IMPG2: variants seen among roughly 807,000 people sequenced by gnomAD.
IMPG2 encodes the protein interphotoreceptor matrix proteoglycan 2.
A neutral mutation model predicts 129.2 loss-of-function variants in IMPG2; 91 were observed. That is an observed-to-expected ratio of 0.70 (90% CI 0.59 to 0.84). The LOEUF (loss-of-function observed/expected upper bound fraction) is 0.84, where lower values mean the gene tolerates loss of function less well. IMPG2 is among the 40% of genes least tolerant of loss of function. The probability of loss-of-function intolerance (pLI) is 0.00; values close to 1 mark genes in which losing one functional copy is unlikely to be tolerated. For missense variants in IMPG2, 1,430 were observed against 1,461.7 expected (o/e 0.98, Z 0.35); for synonymous variants, 510 against 517.7 (o/e 0.99, Z 0.20).
chr3:101,229,442 T>G lies in IMPG2; in HGVS notation c.3571A>C (p.Ile1191Leu), dbSNP rs774986957. 1 of 1,612,584 alleles carries G rather than the reference T, an allele frequency of 6.2e-7. No homozygotes were observed. Among genetic ancestry groups the G allele is most frequent in the South Asian group, 1.1e-5 (1 of 90,996 alleles). ...PFYSSASGDVIGGLSREEIRQ... is the reference protein window; with the variant it reads ...PFYSSASGDVLGGLSREEIRQ... ...ATTTCTTCTCTGCTCAGCCCACCAA[T>G]CACGTCTCCGCTAGCAGAGCTGTAG... Residue 1191 changes from isoleucine (I) to leucine (L), a missense_variant, in exon 17 of 19, where the codon ATT becomes CTT. Transcript: ENST00000193391.
In IMPG2 at chr3:101,244,761, C is replaced by A. The variant is rs1369278312; in HGVS notation, c.1570G>T (p.Asp524Tyr). 1.2e-6 allele frequency: 2 copies of A among 1,613,940 alleles called. No homozygotes were observed. Among genetic ancestry groups the A allele is most frequent in the South Asian group, 2.2e-5 (2 of 91,072 alleles). ...DGLANVEESE[D>Y]FLSIDSLPSS... ...GGCAATGAATCAATAGAAAGAAAAT[C>A]TTCTGACTCTTCAACATTGGCTAAT... The change falls in exon 13 of 19, where the codon GAT (aspartate) becomes TAT (tyrosine). Residue 524 changes from aspartate (D) to tyrosine (Y), a missense_variant. Coordinates refer to ENST00000193391, the MANE Select transcript of IMPG2 (RefSeq NM_016247.4).
intron 2 of IMPG2, among the ~76,000 whole-genome samples, chr3:101,315,072 A>G (rs1042757811): frequency 6.6e-6 from 1 of 152,166 alleles, no homozygotes; most frequent in Non-Finnish European, 1.5e-5. Flanking sequence ...TCCACCAAGC[A>G]TACCTACAAG....
chr3:101,235,072 A>G (rs1291079570), intron 14 of IMPG2, among the ~76,000 whole-genome samples: 1 of 152,220 alleles, frequency 6.6e-6, no homozygotes, highest in Non-Finnish European at 1.5e-5. Flanking sequence ...TTTATACAAC[A>G]TTTTAAATAA....
intron 15 of IMPG2, among the ~76,000 whole-genome samples, chr3:101,231,523 G>A (rs1296696743): frequency 2.6e-5 from 4 of 152,174 alleles, no homozygotes; most frequent in Non-Finnish European, 4.4e-5. Context: ...GCCTCCAGAC[G>A]CCCCATGTCC....
intron 9 of IMPG2, among the ~76,000 whole-genome samples, chr3:101,259,657 A>T (rs1004858381): frequency 2.0e-5 from 3 of 151,806 alleles, no homozygotes; most frequent in African/African-American, 7.3e-5. Context: ...GTATCAACAT[A>T]ATAAGGATGA....
chr3:101,319,995 TC>T lies in IMPG2; in HGVS notation c.86-164del, dbSNP rs199989120. Among the ~76,000 whole-genome samples, 561 of 152,234 alleles carry T rather than the reference TC, an allele frequency of 3.7e-3. 8 individuals carry two copies. The highest frequency in any genetic ancestry group is 0.024 in the Admixed American group (372 of 15,250). ...AGGAAAAGAGGAGTGAGGCAGTCCA[TC>T]TTTTTCCATTTAACTCCCACTCCTT... On this transcript the variant is annotated intron_variant, in intron 1 of 18. Coordinates refer to ENST00000193391, the MANE Select transcript of IMPG2 (RefSeq NM_016247.4).
chr3:101,240,143 G>T (rs1706391163), intron 14 of IMPG2, among the ~76,000 whole-genome samples: 1 of 151,322 alleles, frequency 6.6e-6, no homozygotes, highest in Non-Finnish European at 1.5e-5. Flanking sequence ...TTAGAGACAG[G>T]TTCTCACTAT....
intron 13 of IMPG2, 28 bp downstream of exon 13, chr3:101,243,501 G>A (rs1228697567): frequency 6.2e-7 from 1 of 1,602,388 alleles, no homozygotes; most frequent in Non-Finnish European, 8.5e-7. Flanking sequence ...TTATTCACTA[G>A]TGCCCATGTT....
intron 12 of IMPG2, among the ~76,000 whole-genome samples, chr3:101,245,029 T>C (rs1421563631): frequency 6.7e-6 from 1 of 150,362 alleles, no homozygotes; most frequent in African/African-American, 2.5e-5. Context: ...TGAAATAATC[T>C]TCAAACACTT....
chr3:101,264,195 A>C (rs955605801), intron 9 of IMPG2, among the ~76,000 whole-genome samples: 3 of 152,056 alleles, frequency 2.0e-5, no homozygotes, highest in Non-Finnish European at 4.4e-5. Context: ...ATTATCCCAA[A>C]AAATTAAAGC....
chr3:101,248,159 T>A (rs1430839281), intron 11 of IMPG2, among the ~76,000 whole-genome samples: 1 of 152,142 alleles, frequency 6.6e-6, no homozygotes, highest in South Asian at 2.1e-4. Flanking sequence ...CCAAATCTCA[T>A]CTTGAATTTC....
chr3:101,229,159 A>G lies in IMPG2; in HGVS notation c.3633+221T>C, dbSNP rs968207288. ...AACGCAAAAAAAAAAAAAAAGCGCCATTGTGGGGGAAATAAGGTACCGCTT... is the reference window on the plus strand; with the variant it reads ...AACGCAAAAAAAAAAAAAAAGCGCCGTTGTGGGGGAAATAAGGTACCGCTT... On this transcript the variant is annotated intron_variant, in intron 17 of 18. Transcript: ENST00000193391. 2.7e-5 allele frequency among the ~76,000 whole-genome samples: 4 copies of G among 150,420 alleles called. No individual in the cohort carries two copies. The East Asian group carries it at 7.8e-4, about 29-fold the overall frequency.
At chr3:101,273,172 C>T (rs1706805898) in intron 7 of IMPG2, among the ~76,000 whole-genome samples, 1 of 152,114 alleles carries the variant, frequency 6.6e-6, no homozygotes, top group South Asian at 2.1e-4. Flanking sequence ...TATGTGTTAA[C>T]TATTGAAAAT....
In IMPG2 at chr3:101,320,542, G is replaced by A. The variant is rs2058806309; in HGVS notation, c.-170C>T. ...TTATAAATTAGCGGAAAGAAAAATG[G>A]TTGTCCTTTCAAAGTAGCTCTCACT... On this transcript the variant is annotated 5_prime_UTR_variant, in exon 1 of 19. Transcript: ENST00000193391. 1 of 609,682 alleles carries A rather than the reference G, an allele frequency of 1.6e-6. No individual in the cohort carries two copies. Among genetic ancestry groups the A allele is most frequent in the Non-Finnish European group, 3.0e-6 (1 of 336,742 alleles). 37.8% of individuals were successfully genotyped at this position (609,682 alleles called of 1,614,324 possible). A position where few individuals can be genotyped will look rare whatever the true frequency, so the allele number is the denominator to read the frequency against.
At chr3:101,295,884 G>A (rs944884868) in intron 3 of IMPG2, among the ~76,000 whole-genome samples, 13 of 152,132 alleles carry the variant, frequency 8.5e-5, no homozygotes, top group Non-Finnish European at 1.0e-4. Flanking sequence ...TGGTGTATAG[G>A]AATGCTTGTG....
intron 11 of IMPG2, among the ~76,000 whole-genome samples, chr3:101,249,053 G>A (rs988362624): frequency 4.6e-5 from 7 of 152,196 alleles, no homozygotes; most frequent in African/African-American, 7.2e-5. Context: ...GTCTAGCATA[G>A]CTGTGCTTCT....
rs371722101 is a variant in IMPG2 at position 101,293,634 on chromosome 3, C to A, written c.502-2124G>T. On this transcript the variant is annotated intron_variant, in intron 3 of 18. Transcript: ENST00000193391. ...AAATTCAGTCTGTCCTTCATTGAAGCCAGGTATTGACTTCTCTCTAGCTAT... is the reference window on the plus strand; with the variant it reads ...AAATTCAGTCTGTCCTTCATTGAAGACAGGTATTGACTTCTCTCTAGCTAT... Among the ~76,000 whole-genome samples, 16 of 152,288 alleles carry A rather than the reference C, an allele frequency of 1.1e-4. No homozygotes were observed. The East Asian group carries it at 3.1e-3, about 29-fold the overall frequency.
At chr3:101,307,376 C>T (rs1280387379) in intron 2 of IMPG2, among the ~76,000 whole-genome samples, 1 of 152,144 alleles carries the variant, frequency 6.6e-6, no homozygotes, top group South Asian at 2.1e-4. Flanking sequence ...TCTCATGCTG[C>T]TATGAAGAAA....
In IMPG2 at chr3:101,228,829, A is replaced by C; in HGVS notation, c.3681T>G (p.Pro1227=). ...GCTCTCTCACAAAAGCTGCAAACTC[A>C]GGATCATTGGCATACAGTTCCAAAA... The part of the protein sequence containing the change: ...MRVLELYAND[P]EFAAFVREQQ... The change falls in exon 18 of 19, where the codon CCT becomes CCG. Residue 1227 remains proline, a synonymous_variant. Transcript: ENST00000193391. 1 of 1,614,036 alleles carries C rather than the reference A, an allele frequency of 6.2e-7. No individual in the cohort carries two copies. The highest frequency in any genetic ancestry group is 8.5e-7 in the Non-Finnish European group (1 of 1,179,924).
Sources: allele counts gnomAD v4.1 joint callset (sites outside exome capture counted in the v4.1 genomes callset), GRCh38; gene constraint gnomAD v4.1.1; transcripts MANE v1.5; gene names NCBI Gene and HGNC (gene_info 2026-07-23, HGNC 2026-07-21).